SYNPR: variants seen among roughly 807,000 people sequenced by gnomAD.
SYNPR encodes the protein synaptoporin.
In SYNPR, 23 loss-of-function variants were observed where a neutral mutation model predicts 32.9. The ratio of observed to expected loss-of-function variants is 0.70; its 90% CI spans 0.50 to 0.99. The LOEUF (loss-of-function observed/expected upper bound fraction) is 0.99, where lower values mean the gene tolerates loss of function less well. Ranked by LOEUF, SYNPR falls within the 50% of genes least tolerant of loss-of-function variation. The probability of loss-of-function intolerance (pLI) is 0.00; values close to 1 mark genes in which losing one functional copy is unlikely to be tolerated. For missense variants in SYNPR, 318 were observed against 349.3 expected (o/e 0.91, Z 0.71); for synonymous variants, 146 against 135.9 (o/e 1.07, Z -0.52).
At chr3:63,508,993 A>G (rs1701640973) in intron 3 of SYNPR, among the ~76,000 whole-genome samples, 2 of 152,180 alleles carry the variant, frequency 1.3e-5, no homozygotes, top group South Asian at 4.1e-4. Context: ...CTTTTAACAA[A>G]TAGGAAAGTA....
intron 4 of SYNPR, among the ~76,000 whole-genome samples, chr3:63,567,283 G>A (rs1702806647): frequency 6.6e-6 from 1 of 152,218 alleles, no homozygotes; most frequent in South Asian, 2.1e-4. Flanking sequence ...ACAGAAGTTT[G>A]AATCTCTCAC....
At position 63,425,780 on chromosome 3, in the gene SYNPR, C is replaced by CTT. The variant is rs556889581; in HGVS notation, c.85-55036_85-55035dup. Among the ~76,000 whole-genome samples, 199 of 136,792 alleles carry CTT rather than the reference C, an allele frequency of 1.5e-3. 3 individuals are homozygous for CTT. The highest frequency in any genetic ancestry group is 9.5e-4 in the South Asian group (4 of 4,204). 89.7% of individuals were successfully genotyped at this position (136,792 alleles called of 152,430 possible). A position where few individuals can be genotyped will look rare whatever the true frequency, so the allele number is the denominator to read the frequency against. On this transcript the variant is annotated intron_variant, in intron 2 of 5. Coordinates refer to ENST00000478300, the MANE Select transcript of SYNPR (RefSeq NM_001130003.2). ...TATTAAATGAACTTATGGAAATAGA[C>CTT]TTTTTTTTTTTTTTTTTAGTAAGAT...
chr3:63,348,334 G>C lies in SYNPR; in HGVS notation c.84+69592G>C, dbSNP rs146247613. ...TGACCATTTACATGTCTTCTTTTGAGAAATGTCTAGTCATATGCTTTGCCC... is the reference window on the plus strand; with the variant it reads ...TGACCATTTACATGTCTTCTTTTGACAAATGTCTAGTCATATGCTTTGCCC... On this transcript the variant is annotated intron_variant, in intron 2 of 5. Coordinates refer to ENST00000478300, the MANE Select transcript of SYNPR (RefSeq NM_001130003.2). Among the ~76,000 whole-genome samples, 216 of 152,164 alleles carry C rather than the reference G, an allele frequency of 1.4e-3. 1 individual carries two copies. The highest frequency in any genetic ancestry group is 5.1e-3 in the African/African-American group (211 of 41,524).
At chr3:63,409,316 C>T (rs543448290) in intron 2 of SYNPR, among the ~76,000 whole-genome samples, 1 of 152,138 alleles carries the variant, frequency 6.6e-6, no homozygotes, top group East Asian at 1.9e-4. Flanking sequence ...TCTGCTGTAA[C>T]TACATCAGTT....
chr3:63,307,702 T>A (rs2086921551), intron 2 of SYNPR, among the ~76,000 whole-genome samples: 1 of 152,014 alleles, frequency 6.6e-6, no homozygotes, highest in East Asian at 1.9e-4. Context: ...CAGATAATCA[T>A]CCTTCAATTT....
At chr3:63,354,063 CCTCT>C (rs1168271555) in intron 2 of SYNPR, among the ~76,000 whole-genome samples, 1 of 152,142 alleles carries the variant, frequency 6.6e-6, no homozygotes, top group Non-Finnish European at 1.5e-5. Context: ...TGCTGAAGAA[CCTCT>C]CTATGCTTGA....
At chr3:63,602,521 T>A (rs1700060414) in intron 4 of SYNPR, among the ~76,000 whole-genome samples, 1 of 152,218 alleles carries the variant, frequency 6.6e-6, no homozygotes, top group Non-Finnish European at 1.5e-5. Flanking sequence ...GTTGTTTTTG[T>A]ATATGGTGTA....
intron 2 of SYNPR, among the ~76,000 whole-genome samples, chr3:63,323,948 T>A (rs2087137827): frequency 6.6e-6 from 1 of 152,132 alleles, no homozygotes; most frequent in Non-Finnish European, 1.5e-5. Context: ...CTTGCCCAAC[T>A]TGCACAATAA....
intron 4 of SYNPR, among the ~76,000 whole-genome samples, chr3:63,597,018 G>A (rs1333061523): frequency 6.6e-6 from 1 of 152,054 alleles, no homozygotes; most frequent in African/African-American, 2.4e-5. Flanking sequence ...ATTTTAGATT[G>A]ATTATATGAA....
At chr3:63,461,585 G>A (rs1441810244) in intron 2 of SYNPR, among the ~76,000 whole-genome samples, 5 of 151,980 alleles carry the variant, frequency 3.3e-5, no homozygotes. Flanking sequence ...GTGAGGCTGA[G>A]TGGCATCCAA....
chr3:63,429,113 G>C (rs1160858549), intron 2 of SYNPR, among the ~76,000 whole-genome samples: 2 of 152,094 alleles, frequency 1.3e-5, no homozygotes, highest in Non-Finnish European at 2.9e-5. Context: ...TTTTTTCTTT[G>C]TATGTTTGTT....
At chr3:63,321,722 A>G (rs1291927714) in intron 2 of SYNPR, among the ~76,000 whole-genome samples, 1 of 152,110 alleles carries the variant, frequency 6.6e-6, no homozygotes, top group Non-Finnish European at 1.5e-5. Context: ...GTCTGAAATT[A>G]TAACCTCATG....
At chr3:63,227,654 T>C (rs184484753), upstream of SYNPR, among the ~76,000 whole-genome samples, 2 of 152,338 alleles carry the variant, frequency 1.3e-5, no homozygotes, top group African/African-American at 4.8e-5. Flanking sequence ...ATGAAATAAC[T>C]GCTCTATCTA....
In SYNPR at chr3:63,566,280, A is replaced by G. The variant is rs72889208; in HGVS notation, c.408+9539A>G. Among the ~76,000 whole-genome samples the G allele has an allele frequency of 4.5e-3, 683 of 152,258 alleles. 9 individuals carry two copies. The highest frequency in any genetic ancestry group is 0.016 in the African/African-American group (653 of 41,550). On this transcript the variant is annotated intron_variant, in intron 4 of 5. Coordinates refer to ENST00000478300, the MANE Select transcript of SYNPR (RefSeq NM_001130003.2). The stretch of plus-strand genomic sequence containing the variant: ...AGATCTGGGAAAAATGGGAGTAAAA[A>G]TATTTTACTATTTAAAGAACAACTA...
chr3:63,342,941 T>G (rs1489371220), intron 2 of SYNPR, among the ~76,000 whole-genome samples: 1 of 152,196 alleles, frequency 6.6e-6, no homozygotes. Context: ...GTATGTGTTT[T>G]TAAATAATGA....
intron 1 of SYNPR, among the ~76,000 whole-genome samples, chr3:63,250,486 A>T (rs1239289671): frequency 6.6e-6 from 1 of 152,148 alleles, no homozygotes; most frequent in Non-Finnish European, 1.5e-5. Flanking sequence ...CATTAAGGGA[A>T]TCCTCACACA....
At position 63,433,678 on chromosome 3, in the gene SYNPR, G is replaced by A. The variant is rs941736783; in HGVS notation, c.85-47154G>A. Among the ~76,000 whole-genome samples, 24 of 152,222 alleles carry A rather than the reference G, an allele frequency of 1.6e-4. 1 individual carries two copies. The highest frequency in any genetic ancestry group is 4.6e-4 in the Admixed American group (7 of 15,300). On this transcript the variant is annotated intron_variant, in intron 2 of 5. Coordinates refer to ENST00000478300, the MANE Select transcript of SYNPR (RefSeq NM_001130003.2). ...CCCCATCGGATACCAGGGCTGCAGC[G>A]CCTCCCCTTGCAGCCCTGAATCCGA... is the stretch of plus-strand genomic sequence containing the variant.
intron 2 of SYNPR, among the ~76,000 whole-genome samples, chr3:63,331,034 C>T (rs1298523597): frequency 5.9e-5 from 9 of 152,172 alleles, no homozygotes; most frequent in Non-Finnish European, 1.3e-4. Flanking sequence ...GATTCTTCAT[C>T]ATCATTGTAA....
chr3:63,536,173 G>A (rs1160603335), intron 3 of SYNPR, among the ~76,000 whole-genome samples: 1 of 151,984 alleles, frequency 6.6e-6, no homozygotes, highest in Non-Finnish European at 1.5e-5. Flanking sequence ...CATCAAGAAA[G>A]TGAATAAACC....
Sources: allele counts gnomAD v4.1 joint callset (sites outside exome capture counted in the v4.1 genomes callset), GRCh38; gene constraint gnomAD v4.1.1; transcripts MANE v1.5; gene names NCBI Gene and HGNC (gene_info 2026-07-23, HGNC 2026-07-21).